Variants in POLR2F observed in about 807,000 individuals in gnomAD.
The protein encoded by POLR2F is DNA-directed RNA polymerases I, II, and III subunit RPABC2.
Under a neutral mutation model 22.7 loss-of-function variants are expected in POLR2F, and 12 were observed. That is an observed-to-expected ratio of 0.53 (90% CI 0.34 to 0.86). The LOEUF is 0.86. Among genes scored for constraint, POLR2F ranks in the 40% least tolerant of loss-of-function variants. The pLI is 0.02. For missense variants in POLR2F, 126 were observed against 171.5 expected (o/e 0.73, Z 1.48); for synonymous variants, 57 against 66.0 (o/e 0.86, Z 0.66).
upstream of POLR2F, among the ~76,000 whole-genome samples, chr22:37,985,484 TCTTTC>T (rs1191939333): frequency 2.0e-5 from 3 of 152,126 alleles, no homozygotes; most frequent in Admixed American, 1.3e-4. Context: ...TTTTTCTCTC[TCTTTC>T]CTTGGCCTCT....
At chr22:38,005,626 G>A (rs1465336502) in intron 1 of POLR2F, among the ~76,000 whole-genome samples, 2 of 152,320 alleles carry the variant, frequency 1.3e-5, no homozygotes, top group South Asian at 2.1e-4. Context: ...GTGATAGATC[G>A]GGTGTGCAGG....
exon 2 of POLR2F, chr22:38,026,139 A>G (rs1569183764): frequency 1.9e-6 from 1 of 533,478 alleles, no homozygotes; most frequent in African/African-American, 1.9e-5. Context: ...GCTGGCCTTC[A>G]GATGCCTGGT....
intron 1 of POLR2F, among the ~76,000 whole-genome samples, chr22:38,004,415 G>A (rs1034276462): frequency 6.6e-6 from 1 of 152,170 alleles, no homozygotes; most frequent in East Asian, 1.9e-4. Flanking sequence ...GAAATAGGTG[G>A]TAATAACACC....
chr22:38,008,897 A>G (rs1464418706), intron 1 of POLR2F, among the ~76,000 whole-genome samples: 3 of 151,994 alleles, frequency 2.0e-5, no homozygotes, highest in Non-Finnish European at 2.9e-5. Context: ...AAAGCAGTGC[A>G]TTAATTTTAC....
intron 1 of POLR2F, among the ~76,000 whole-genome samples, chr22:38,022,551 C>CAAAAAAAAAAAA (rs376987789): frequency 1.1e-4 from 6 of 55,768 alleles, no homozygotes; most frequent in African/African-American, 1.3e-4. Flanking sequence ...AACGCTGTCT[C>CAAAAAAAAAAAA]AAAAAAAAAA....
chr22:38,004,122 T>C (rs1469346750), intron 1 of POLR2F, among the ~76,000 whole-genome samples: 3 of 152,148 alleles, frequency 2.0e-5, no homozygotes, highest in Non-Finnish European at 2.9e-5. Flanking sequence ...CAGAGTAGCT[T>C]GGACTACAGG....
At chr22:37,957,547 G>GA (rs1296702675) in intron 2 of POLR2F, among the ~76,000 whole-genome samples, 2 of 152,086 alleles carry the variant, frequency 1.3e-5, no homozygotes, top group Admixed American at 1.3e-4. Flanking sequence ...ACTGATGAGG[G>GA]AAAAAATGCA....
Position 37,986,842 on chromosome 22 carries a change from T to C in POLR2F, c.120+530T>C. 2.2e-6 allele frequency: 1 copy of C among 455,396 alleles called. No homozygotes were observed. Among genetic ancestry groups the C allele is most frequent in the South Asian group, 1.6e-5 (1 of 64,380 alleles). 28.2% of individuals were successfully genotyped at this position (455,396 alleles called of 1,614,324 possible). On this transcript the variant is annotated intron_variant, in intron 1 of 2. Transcript: ENST00000333418. The surrounding 1 kb of genome is among the most constrained non-coding windows in gnomAD (Gnocchi z 4.7). ...CCCAGGCCCTGGGAACCCAGTGCTC[T>C]CCAGCAGGCAAGGGTGAAGGACCCA...
intron 3 of POLR2F, among the ~76,000 whole-genome samples, chr22:37,965,630 T>C (rs897396467): frequency 6.6e-6 from 1 of 152,222 alleles, no homozygotes; most frequent in African/African-American, 2.4e-5. Flanking sequence ...AGAGAGGATA[T>C]AGGGAAAGTT....
At chr22:37,972,412 C>A (rs1190195978), downstream of POLR2F, 2 of 376,440 alleles carry the variant, frequency 5.3e-6, no homozygotes, top group Non-Finnish European at 1.1e-5. Flanking sequence ...TAACAGGAGA[C>A]AGTAATGAGT....
intron 1 of POLR2F, chr22:37,987,810 G>C (rs1034800571): frequency 1.2e-5 from 2 of 164,940 alleles, no homozygotes; most frequent in African/African-American, 4.8e-5. Flanking sequence ...ATTCTATCTG[G>C]ACTGTGTGCC....
rs889500798 is a variant in POLR2F at position 38,031,871 on chromosome 22, C to T, written c.453-9197C>T. ...CATCCATCCCCTTCATCCCCTATGG[C>T]TAGTCATCGGCCATGACAATTTTTC... On this transcript the variant is annotated intron_variant, in intron 5 of 5. Transcript: ENST00000407936. This position sits in a 1 kb window ranked among gnomAD's most constrained non-coding sequence, Gnocchi z 4.1. Among the ~76,000 whole-genome samples the T allele has an allele frequency of 6.6e-6, 1 of 152,188 alleles. No individual in the cohort carries two copies. Among genetic ancestry groups the T allele is most frequent in the African/African-American group, 2.4e-5 (1 of 41,436 alleles).
In POLR2F at chr22:38,021,233, T is replaced by C. The variant is rs555226231; in HGVS notation, c.121-4636T>C. Among the ~76,000 whole-genome samples, 17 of 152,220 alleles carry C rather than the reference T, an allele frequency of 1.1e-4. No individual in the cohort carries two copies. The East Asian group carries it at 2.9e-3, about 26-fold the overall frequency. ...ACCAAGGCTTATAGGTGAGGAGGAA[T>C]TGGCCAGGGACGGTGCGTATGTGTT... is the stretch of plus-strand genomic sequence containing the variant. On this transcript the variant is annotated intron_variant, in intron 1 of 2. Coordinates refer to the POLR2F transcript ENST00000333418.
At chr22:38,020,999 T>TC (rs1208549155) in intron 1 of POLR2F, among the ~76,000 whole-genome samples, 1 of 152,190 alleles carries the variant, frequency 6.6e-6, no homozygotes, top group Non-Finnish European at 1.5e-5. Context: ...GTTACTCCTG[T>TC]CCCTTTGCTC....
Position 37,969,051 on chromosome 22 carries a change from G to A in POLR2F, c.*1336G>A, listed in dbSNP as rs558788315. On this transcript the variant is annotated 3_prime_UTR_variant, in exon 5 of 5. Coordinates refer to ENST00000442738, the MANE Select transcript of POLR2F (RefSeq NM_021974.5). ...CCCAGAGTGCGGGGGTCACTTTCTC[G>A]GCCCCATTTCTCTAAATGGTCTCTT... 108 of 985,416 alleles carry A rather than the reference G, an allele frequency of 1.1e-4. No homozygotes were observed. In the African/African-American group the frequency reaches 1.2e-3, roughly 11 times the overall value. The allele number at this position is 985,416 out of a possible 1,614,324, so 61.0% of individuals were successfully genotyped here. A position where few individuals can be genotyped will look rare whatever the true frequency, so the allele number is the denominator to read the frequency against.
At chr22:38,006,759 A>C (rs2084825143) in intron 1 of POLR2F, among the ~76,000 whole-genome samples, 1 of 152,200 alleles carries the variant, frequency 6.6e-6, no homozygotes, top group Non-Finnish European at 1.5e-5. Context: ...CCATGGCCCC[A>C]GCTCTGTCAC....
chr22:38,041,065 C>T, intron 5 of POLR2F: 1 of 1,612,904 alleles, frequency 6.2e-7, no homozygotes, highest in Non-Finnish European at 8.5e-7. Flanking sequence ...TGTTATTTTC[C>T]AGGAGGCGGC....
intron 1 of POLR2F, among the ~76,000 whole-genome samples, chr22:38,006,756 C>T (rs781648172): frequency 8.5e-5 from 13 of 152,178 alleles, no homozygotes; most frequent in Non-Finnish European, 1.6e-4. Flanking sequence ...CAACCATGGC[C>T]CCAGCTCTGT....
chr22:38,041,076 G>T (rs778818192), exon 6 of POLR2F: 25 of 1,612,902 alleles, frequency 1.6e-5, no homozygotes, highest in Non-Finnish European at 1.9e-5. Flanking sequence ...AGGAGGCGGC[G>T]GCTCAGAGAG....
Sources: allele counts gnomAD v4.1 joint callset (sites outside exome capture counted in the v4.1 genomes callset), GRCh38; gene constraint gnomAD v4.1.1; non-coding constraint Gnocchi (gnomAD v3.1); transcripts MANE v1.5; gene names NCBI Gene and HGNC (gene_info 2026-07-23, HGNC 2026-07-21).